The following PDE1A variants were observed in gnomAD, a reference collection of about 807,000 sequenced individuals.
PDE1A encodes the protein phosphodiesterase 1A.
A neutral mutation model predicts 61.7 loss-of-function variants in PDE1A; 35 were observed. The ratio of observed to expected loss-of-function variants is 0.57; its 90% CI spans 0.43 to 0.75. The LOEUF is 0.75. Ranked by LOEUF, PDE1A falls within the 30% of genes least tolerant of loss-of-function variation. The pLI is 0.00. For missense variants in PDE1A, 597 were observed against 630.6 expected (o/e 0.95, Z 0.57); for synonymous variants, 232 against 213.2 (o/e 1.09, Z -0.77).
intron 1 of PDE1A, among the ~76,000 whole-genome samples, chr2:182,273,827 T>C (rs1693211761): frequency 6.6e-6 from 1 of 152,094 alleles, no homozygotes; most frequent in South Asian, 2.1e-4. Flanking sequence ...TCTATTACTA[T>C]ATTGGCTGAG....
intron 6 of PDE1A, among the ~76,000 whole-genome samples, chr2:182,226,189 T>C (rs1229293215): frequency 6.7e-6 from 1 of 149,946 alleles, no homozygotes; most frequent in Non-Finnish European, 1.5e-5. Flanking sequence ...CATTATCTAC[T>C]ATGATAACAC....
At chr2:182,679,760 A>C in the PDE1A span, among the ~76,000 whole-genome samples, 1 of 152,232 alleles carries the variant, frequency 6.6e-6, no homozygotes, top group African/African-American at 2.4e-5. Flanking sequence ...TTTCTGTGTT[A>C]ATTCACAGAT....
At chr2:182,364,720 T>TA (rs1006604784) in intron 1 of PDE1A, among the ~76,000 whole-genome samples, 23 of 151,764 alleles carry the variant, frequency 1.5e-4, no homozygotes, top group African/African-American at 4.6e-4. Context: ...TTATAATTTT[T>TA]AAAAAAAATA....
At chr2:182,613,117 C>T in the PDE1A span, among the ~76,000 whole-genome samples, 18 of 152,160 alleles carry the variant, frequency 1.2e-4, no homozygotes, top group Non-Finnish European at 2.2e-4. Context: ...AAGATTGAAG[C>T]ATTTTTATCT....
chr2:182,346,196 T>C (rs1235897512), intron 1 of PDE1A, among the ~76,000 whole-genome samples: 1 of 152,160 alleles, frequency 6.6e-6, no homozygotes, highest in South Asian at 2.1e-4. Context: ...TTAAGGTATA[T>C]TATCCCCACC....
At chr2:182,638,056 T>G in the PDE1A span, among the ~76,000 whole-genome samples, 1 of 152,140 alleles carries the variant, frequency 6.6e-6, no homozygotes, top group Non-Finnish European at 1.5e-5. Context: ...AAAAGAAACA[T>G]TATCAAGGAA....
intron 2 of PDE1A, among the ~76,000 whole-genome samples, chr2:182,509,730 A>T (rs887166238): frequency 2.6e-5 from 4 of 152,214 alleles, no homozygotes; most frequent in African/African-American, 7.2e-5. Flanking sequence ...TTCAATTTTG[A>T]GGTGATTTTT....
chr2:182,255,385 T>C (rs1691699519), intron 2 of PDE1A, among the ~76,000 whole-genome samples: 1 of 152,192 alleles, frequency 6.6e-6, no homozygotes, highest in Non-Finnish European at 1.5e-5. Context: ...GGAGCACACA[T>C]GAGTGAGTGC....
At chr2:182,653,040 C>T in the PDE1A span, among the ~76,000 whole-genome samples, 16 of 152,280 alleles carry the variant, frequency 1.1e-4, no homozygotes, top group Non-Finnish European at 2.1e-4. Context: ...TCATGGGGCT[C>T]ATTTCCCCCA....
intron 2 of PDE1A, among the ~76,000 whole-genome samples, chr2:182,437,466 TAA>T (rs963410292): frequency 1.9e-4 from 29 of 152,060 alleles, no homozygotes; most frequent in African/African-American, 6.3e-4. Flanking sequence ...CTTGTAAAGC[TAA>T]GAGTTACCTA....
At chr2:182,207,775 A>C (rs1687238054) in intron 7 of PDE1A, among the ~76,000 whole-genome samples, 2 of 152,178 alleles carry the variant, frequency 1.3e-5, no homozygotes, top group Non-Finnish European at 2.9e-5. Context: ...AGCAGGGAAA[A>C]ATGGATTCAT....
chr2:182,540,685 TAC>T, the PDE1A span, among the ~76,000 whole-genome samples: 3 of 152,224 alleles, frequency 2.0e-5, no homozygotes, highest in Non-Finnish European at 4.4e-5. Flanking sequence ...GATCTTGACT[TAC>T]ACAGTTTTAC....
At chr2:182,633,771 A>T in the PDE1A span, among the ~76,000 whole-genome samples, 1 of 152,130 alleles carries the variant, frequency 6.6e-6, no homozygotes, top group Non-Finnish European at 1.5e-5. Flanking sequence ...ACAACACGTA[A>T]GTCCAAACTG....
intron 10 of PDE1A, among the ~76,000 whole-genome samples, chr2:182,199,663 G>A (rs1686446436): frequency 6.6e-6 from 1 of 151,972 alleles, no homozygotes; most frequent in African/African-American, 2.4e-5. Context: ...ATTTTTAATT[G>A]ACCATAATAA....
At chr2:182,334,469 A>C (rs188682151) in intron 1 of PDE1A, among the ~76,000 whole-genome samples, 2 of 152,332 alleles carry the variant, frequency 1.3e-5, no homozygotes, top group East Asian at 1.9e-4. Context: ...GGCTGGTTCA[A>C]CATATGCAAA....
chr2:182,368,082 C>G lies in PDE1A; in HGVS notation c.53+58496G>C, dbSNP rs1323333473. Among the ~76,000 whole-genome samples, 12 of 152,256 alleles carry G rather than the reference C, an allele frequency of 7.9e-5. No homozygotes were observed. In the South Asian group the frequency reaches 2.5e-3, roughly 32 times the overall value. The stretch of plus-strand genomic sequence containing the variant: ...TATCAATAGTTTGCCAATCTTTTCT[C>G]ATCTATCTCCACCTACTTATATTTG... On this transcript the variant is annotated intron_variant, in intron 1 of 13. Transcript: ENST00000351439.
At chr2:182,597,834 CAT>C in the PDE1A span, among the ~76,000 whole-genome samples, 5 of 152,182 alleles carry the variant, frequency 3.3e-5, no homozygotes, top group African/African-American at 1.2e-4. Flanking sequence ...ATAGAGATAA[CAT>C]AGTTTCTTTT....
chr2:182,211,262 T>C (rs1687571473), intron 7 of PDE1A, among the ~76,000 whole-genome samples: 1 of 152,248 alleles, frequency 6.6e-6, no homozygotes, highest in Admixed American at 6.5e-5. Context: ...GCACCATTTA[T>C]TGAAAAGATT....
At chr2:182,626,769 A>G in the PDE1A span, among the ~76,000 whole-genome samples, 1 of 3,188 alleles carries the variant, frequency 3.1e-4, no homozygotes, top group Admixed American at 9.6e-3. Flanking sequence ...ATACATATAT[A>G]TACATATATA....
Sources: gnomAD v4.1 joint callset for allele counts (sites outside exome capture counted in the v4.1 genomes callset) on GRCh38, gnomAD v4.1.1 for gene constraint, MANE v1.5 for transcripts, NCBI Gene and HGNC (gene_info 2026-07-23, HGNC 2026-07-21) for gene names.